The following POLN variants were observed in gnomAD, a reference collection of about 807,000 sequenced individuals.
POLN encodes the protein DNA polymerase nu.
Under a neutral mutation model 113.5 loss-of-function variants are expected in POLN, and 108 were observed. The observed-to-expected ratio is 0.95, with a 90% CI of 0.81 to 1.12. The LOEUF is 1.12. POLN is among the 50% of genes most tolerant of loss of function. The pLI is 0.00. For synonymous variants in POLN, 386 were observed against 391.5 expected (o/e 0.99, Z 0.17); for missense variants, 1,097 against 1,077.1 (o/e 1.02, Z -0.26).
intron 23 of POLN, chr4:2,079,707 C>A (rs1418022040): frequency 2.5e-6 from 2 of 804,246 alleles, no homozygotes; most frequent in Non-Finnish European, 3.0e-6. Context: ...GCCTCAGCCT[C>A]CTGAGTAGCT....
intron 3 of POLN, among the ~76,000 whole-genome samples, chr4:2,222,512 CCAAAAAA>C (rs1038871538): frequency 1.3e-5 from 2 of 151,980 alleles, no homozygotes; most frequent in Non-Finnish European, 2.9e-5. Flanking sequence ...CTAGGTATCA[CCAAAAAA>C]CAAAAAACAA....
intron 23 of POLN, among the ~76,000 whole-genome samples, chr4:2,078,283 G>A (rs997438809): frequency 3.3e-5 from 5 of 152,214 alleles, no homozygotes; most frequent in African/African-American, 1.2e-4. Context: ...ATGGCACAGA[G>A]GCCTGTGAAC....
In POLN at chr4:2,081,795, A is replaced by G. The variant is rs767707993; in HGVS notation, c.2198-52T>C. 6.6e-6 allele frequency: 10 copies of G among 1,507,160 alleles called. No homozygotes were observed. In the South Asian group the frequency reaches 1.1e-4, roughly 17 times the overall value. 93.4% of individuals were successfully genotyped at this position (1,507,160 alleles called of 1,614,324 possible). ...GAGGGACAGAAACAGGCACCACAGC[A>G]GGTGCAGCTCCCTCGGGCCAGGTCC... On this transcript the variant is annotated intron_variant, in intron 21 of 25. Coordinates refer to ENST00000511885, the MANE Select transcript of POLN (RefSeq NM_181808.4).
intron 11 of POLN, among the ~76,000 whole-genome samples, chr4:2,171,727 C>A (rs868575488): frequency 6.7e-6 from 1 of 149,568 alleles, no homozygotes; most frequent in African/African-American, 2.5e-5. Context: ...GTGTCTTGAG[C>A]CCAGGAGTTT....
chr4:2,204,112 A>C (rs1577769156), intron 5 of POLN, among the ~76,000 whole-genome samples: 5 of 84,608 alleles, frequency 5.9e-5, no homozygotes, highest in African/African-American at 4.4e-4. Flanking sequence ...TCTATCACAA[A>C]AAAAAAAAAA....
chr4:2,149,546 T>C (rs1038276038), intron 16 of POLN, among the ~76,000 whole-genome samples: 1 of 152,118 alleles, frequency 6.6e-6, no homozygotes, highest in African/African-American at 2.4e-5. Context: ...ATTTTTCTTA[T>C]TATTGGAATC....
At chr4:2,241,196 G>C in intron 2 of POLN, 1 of 387,860 alleles carries the variant, frequency 2.6e-6, no homozygotes, top group Non-Finnish European at 4.5e-6. Context: ...CGGGATAAAT[G>C]ACAGGTAGTC....
At chr4:2,142,051 G>A (rs1732015889) in intron 16 of POLN, among the ~76,000 whole-genome samples, 1 of 152,092 alleles carries the variant, frequency 6.6e-6, no homozygotes, top group African/African-American at 2.4e-5. Flanking sequence ...CTGTGAAGTG[G>A]GTCTCTTGCA....
At chr4:2,135,059 A>G (rs898069936) in intron 16 of POLN, among the ~76,000 whole-genome samples, 1 of 152,220 alleles carries the variant, frequency 6.6e-6, no homozygotes, top group Non-Finnish European at 1.5e-5. Context: ...ATGAACTCGC[A>G]CACAAATCTG....
chr4:2,233,205 T>C (rs1172470245), intron 2 of POLN, among the ~76,000 whole-genome samples: 1 of 152,178 alleles, frequency 6.6e-6, no homozygotes, highest in Non-Finnish European at 1.5e-5. Flanking sequence ...CTTGGTAAAC[T>C]TGAATATACT....
chr4:2,210,660 C>T (rs189163656), intron 4 of POLN, among the ~76,000 whole-genome samples: 40 of 148,404 alleles, frequency 2.7e-4, no homozygotes, highest in Non-Finnish European at 4.3e-4. Context: ...TGGTGGCTCA[C>T]GCCTGTAATC....
intron 2 of POLN, chr4:2,234,591 C>T (rs1042140420): frequency 1.3e-5 from 2 of 152,356 alleles, no homozygotes; most frequent in Non-Finnish European, 2.9e-5. Flanking sequence ...ACCCTGGGTC[C>T]GTGAATCAGG....
At chr4:2,115,226 A>ATTT (rs1296030446) in intron 19 of POLN, among the ~76,000 whole-genome samples, 123 of 107,580 alleles carry the variant, frequency 1.1e-3, no homozygotes, top group Middle Eastern at 4.0e-3. Flanking sequence ...ATATATATAT[A>ATTT]TATTTTTTTT....
rs556204951 is a variant in POLN, at chr4:2,095,882, C to T, written c.2034G>A (p.Lys678=). 100 of 1,614,190 alleles carry T rather than the reference C, an allele frequency of 6.2e-5. No individual in the cohort carries two copies. In the South Asian group the frequency reaches 1.0e-3, roughly 16 times the overall value. The change falls in exon 20 of 26, where the codon AAG becomes AAA. Residue 678 remains lysine (K), a synonymous_variant. Coordinates refer to ENST00000511885, the MANE Select transcript of POLN (RefSeq NM_181808.4). The part of the protein sequence containing the change: ...QVTHADREQT[K]KVVYAVVYGA... ...CATAGACCACCGCGTACACCACCTT[C>T]TTGGTTTGCTCTCTGTCTGCGTGTG...
intron 2 of POLN, chr4:2,240,850 C>T: frequency 6.2e-7 from 1 of 1,613,190 alleles, no homozygotes; most frequent in Non-Finnish European, 8.5e-7. Context: ...TCTTCAACGC[C>T]CTCAAACAAC....
rs1407542494 is a variant in POLN at position 2,095,887 on chromosome 4, T to A, written c.2029A>T (p.Thr677Ser). 3.7e-6 allele frequency: 6 copies of A among 1,614,154 alleles called. No homozygotes were observed. The highest frequency in any genetic ancestry group is 5.1e-6 in the Non-Finnish European group (6 of 1,180,028). The change falls in exon 20 of 26, where the codon ACC becomes TCC. Residue 677 changes from threonine to serine, a missense_variant. Transcript: ENST00000511885. Reference protein sequence around the residue: ...EQVTHADREQTKKVVYAVVYG... With the variant: ...EQVTHADREQSKKVVYAVVYG... Reference sequence around the variant, plus strand: ...ACCACCGCGTACACCACCTTCTTGGTTTGCTCTCTGTCTGCGTGTGTCACC... The same window carrying A: ...ACCACCGCGTACACCACCTTCTTGGATTGCTCTCTGTCTGCGTGTGTCACC...
chr4:2,209,562 C>G (rs1391548409), intron 4 of POLN, among the ~76,000 whole-genome samples: 1 of 151,614 alleles, frequency 6.6e-6, no homozygotes, highest in Non-Finnish European at 1.5e-5. Flanking sequence ...ATTCATAGAT[C>G]CACAAACTAA....
intron 5 of POLN, among the ~76,000 whole-genome samples, chr4:2,201,305 G>GAAAAAAAAAAAAA (rs1733709580): frequency 5.2e-5 from 3 of 58,106 alleles, no homozygotes; most frequent in East Asian, 6.3e-4. Flanking sequence ...AAAAAAAAAC[G>GAAAAAAAAAAAAA]AGGGGAGAAA....
At chr4:2,189,950 A>T (rs1327460270) in intron 7 of POLN, among the ~76,000 whole-genome samples, 1 of 150,978 alleles carries the variant, frequency 6.6e-6, no homozygotes, top group Non-Finnish European at 1.5e-5. Context: ...ACTTGAACCC[A>T]GGAGGTAGAG....
Sources: gnomAD v4.1 joint callset for allele counts (sites outside exome capture counted in the v4.1 genomes callset) on GRCh38, gnomAD v4.1.1 for gene constraint, MANE v1.5 for transcripts, NCBI Gene and HGNC (gene_info 2026-07-23, HGNC 2026-07-21) for gene names.